DYNC1H1: variants seen among roughly 807,000 people sequenced by gnomAD.
The protein encoded by DYNC1H1 is cytoplasmic dynein 1 heavy chain 1.
In DYNC1H1, 51 loss-of-function variants were observed where a neutral mutation model predicts 527.1. That is an observed-to-expected ratio of 0.10 (90% CI 0.08 to 0.12). The LOEUF is 0.12. Among genes scored for constraint, DYNC1H1 ranks in the 10% least tolerant of loss-of-function variants. DYNC1H1 has a pLI of 1.00. For missense variants in DYNC1H1, 2,771 were observed against 5,971.8 expected, an observed-to-expected ratio of 0.46 and a Z score of 17.66; for synonymous variants, 2,189 against 2,278.8, an observed-to-expected ratio of 0.96 and a Z score of 1.12.
At chr14:101,977,242 A>G (rs1188214256) in intron 2 of DYNC1H1, among the ~76,000 whole-genome samples, 1 of 152,226 alleles carries the variant, frequency 6.6e-6, no homozygotes, top group African/African-American at 2.4e-5. Flanking sequence ...AGATTGTGCT[A>G]ATTTATCCTA....
chr14:102,013,717 T>A (rs868379326), intron 34 of DYNC1H1, among the ~76,000 whole-genome samples: 4 of 152,112 alleles, frequency 2.6e-5, no homozygotes, highest in Non-Finnish European at 4.4e-5. Context: ...GCCTGATGTA[T>A]GTCCATGAAG....
intron 1 of DYNC1H1, among the ~76,000 whole-genome samples, chr14:101,971,799 C>T (rs2047742092): frequency 1.3e-5 from 2 of 152,206 alleles, no homozygotes; most frequent in Non-Finnish European, 2.9e-5. Context: ...GTTTGAAATA[C>T]ATTAAACTAG....
chr14:101,987,893 C>T (rs1264796120), intron 9 of DYNC1H1, among the ~76,000 whole-genome samples: 1 of 152,114 alleles, frequency 6.6e-6, no homozygotes, highest in Non-Finnish European at 1.5e-5. Flanking sequence ...GCCTGGGCAA[C>T]ATGGCAAGAC....
In DYNC1H1 at chr14:102,050,627, A is replaced by T; in HGVS notation, c.*64A>T. On this transcript the variant is annotated 3_prime_UTR_variant, in exon 78 of 78. Transcript: ENST00000360184. ...GTATTTAACATTTATTCATTTTTAA[A>T]ATATTTGGAAGGTCTGAGCTTGTGA... 1 of 1,612,566 alleles carries T rather than the reference A, an allele frequency of 6.2e-7. No homozygotes were observed. Among genetic ancestry groups the T allele is most frequent in the Non-Finnish European group, 8.5e-7 (1 of 1,178,940 alleles).
At chr14:101,980,327 A>C (rs768063124) in intron 4 of DYNC1H1, 37 bp from the exon 5 acceptor site, 7 of 1,610,548 alleles carry the variant, frequency 4.3e-6, no homozygotes, top group Non-Finnish European at 5.1e-6. Flanking sequence ...CCTTGTTTAA[A>C]TAGTGAATAC....
At position 102,015,105 on chromosome 14, in the gene DYNC1H1, G is replaced by A. The variant is rs1469258300; in HGVS notation, c.7015G>A (p.Val2339Met). ...NGERLSLPPN[V>M]RIMFEVQDLK... The stretch of plus-strand genomic sequence containing the variant: ...AATCTGCTTAATGTTTTCTTTCAAG[G>A]TGAGAATAATGTTTGAGGTACAGGA... Residue 2339 changes from valine to methionine, a missense_variant and splice_region_variant, in exon 35 of 78, where the codon GTG (valine) becomes ATG (methionine). Coordinates refer to ENST00000360184, the MANE Select transcript of DYNC1H1 (RefSeq NM_001376.5). This position sits in a 1 kb window ranked among gnomAD's most constrained non-coding sequence, Gnocchi z 6.9. 1 of 1,614,194 alleles carries A rather than the reference G, an allele frequency of 6.2e-7. No individual in the cohort carries two copies. Among genetic ancestry groups the A allele is most frequent in the South Asian group, 1.1e-5 (1 of 91,088 alleles).
At chr14:101,972,667 T>A (rs2047752844) in intron 1 of DYNC1H1, among the ~76,000 whole-genome samples, 1 of 152,216 alleles carries the variant, frequency 6.6e-6, no homozygotes. Context: ...GTGTCCGGAC[T>A]GCGCAATTTC....
Position 102,005,209 on chromosome 14 carries a change from A to T in DYNC1H1, c.5406A>T (p.Pro1802=), listed in dbSNP as rs1208208697. 6.2e-7 allele frequency: 1 copy of T among 1,613,948 alleles called. No individual in the cohort carries two copies. The highest frequency in any genetic ancestry group is 2.2e-5 in the East Asian group (1 of 44,866). The change falls in exon 26 of 78, where the codon CCA becomes CCT. Residue 1802 remains proline, a synonymous_variant. Transcript: ENST00000360184. This position sits in a 1 kb window ranked among gnomAD's most constrained non-coding sequence, Gnocchi z 4.0. ...ACTCTGTCCTCATGGAGCAGCCCCC[A>T]CTCCGAAGGCGGAAGCTAGAACACT... ...LADSVLMEQP[P]LRRRKLEHLI...
Position 102,016,484 on chromosome 14 carries a change from T to G in DYNC1H1, c.7609T>G (p.Tyr2537Asp). ...TGCGCCCAACATACCCATTATCGATTATGAGGTGAGCATGCAGCTACCACC... is the reference window on the plus strand; with the variant it reads ...TGCGCCCAACATACCCATTATCGATGATGAGGTGAGCATGCAGCTACCACC... ...PTAPNIPIID[Y>D]EVSISGEWSP... Residue 2537 changes from tyrosine (Y) to aspartate (D), a missense_variant, in exon 37 of 78, where the codon TAT becomes GAT. Tyr to Asp is a radical substitution (Grantham distance 160, BLOSUM62 -3). Coordinates refer to ENST00000360184, the MANE Select transcript of DYNC1H1 (RefSeq NM_001376.5). The surrounding 1 kb of genome is among the most constrained non-coding windows in gnomAD (Gnocchi z 7.3). The G allele has an allele frequency of 1.9e-6, 3 of 1,614,120 alleles. No individual in the cohort carries two copies. Among genetic ancestry groups the G allele is most frequent in the Non-Finnish European group, 2.5e-6 (3 of 1,180,032 alleles).
rs1241592844 is a variant in DYNC1H1, at chr14:102,005,814, C to T, written c.5434-74C>T. On this transcript the variant is annotated intron_variant, in intron 26 of 77. Transcript: ENST00000360184. This position sits in a 1 kb window ranked among gnomAD's most constrained non-coding sequence, Gnocchi z 4.0. ...ACCTAGAACCTCAATTTCAGTTTAA[C>T]AGTCCACAAACCCGGAGAATGCACT... is the stretch of plus-strand genomic sequence containing the variant. 2 of 1,583,330 alleles carry T rather than the reference C, an allele frequency of 1.3e-6. No individual in the cohort carries two copies. Among genetic ancestry groups the T allele is most frequent in the Non-Finnish European group, 1.7e-6 (2 of 1,153,914 alleles).
At chr14:101,974,108 A>AT (rs1003452113) in intron 1 of DYNC1H1, among the ~76,000 whole-genome samples, 32 of 151,866 alleles carry the variant, frequency 2.1e-4, no homozygotes, top group African/African-American at 6.0e-4. Flanking sequence ...TTATTTATTT[A>AT]TTTTTTTTGA....
In DYNC1H1 at chr14:101,965,103, C is replaced by T. The variant is rs1394427782; in HGVS notation, c.256+156C>T. On this transcript the variant is annotated intron_variant, in intron 1 of 77. Coordinates refer to ENST00000360184, the MANE Select transcript of DYNC1H1 (RefSeq NM_001376.5). This position sits in a 1 kb window ranked among gnomAD's most constrained non-coding sequence, Gnocchi z 4.1. ...CAGAGCCCGGCGGCCGCAGACGTCC[C>T]GCCGGCCGGGTCCCCAGGGCCGCAG... Among the ~76,000 whole-genome samples the T allele has an allele frequency of 6.6e-6, 1 of 151,828 alleles. No individual in the cohort carries two copies. The highest frequency in any genetic ancestry group is 1.5e-5 in the Non-Finnish European group (1 of 67,928).
intron 10 of DYNC1H1, among the ~76,000 whole-genome samples, chr14:101,990,957 G>A (rs564963208): frequency 2.6e-5 from 4 of 151,284 alleles, no homozygotes; most frequent in South Asian, 2.1e-4. Flanking sequence ...TGCAGTGAGC[G>A]GAGATGGCAT....
Position 101,994,127 on chromosome 14 carries a change from C to CTTAGA in DYNC1H1, c.3016-53_3016-49dup, listed in dbSNP as rs538648956. ...CATTTTAATTAAGTAAAAGGTGACA[C>CTTAGA]TTAGATTACCATTTTCATATACACT... On this transcript the variant is annotated intron_variant, in intron 11 of 77. Coordinates refer to ENST00000360184, the MANE Select transcript of DYNC1H1 (RefSeq NM_001376.5). The CTTAGA allele has an allele frequency of 3.0e-5, 49 of 1,613,208 alleles. No homozygotes were observed. The African/African-American group carries it at 5.7e-4, about 19-fold the overall frequency.
chr14:102,016,867 G>A lies in DYNC1H1; in HGVS notation c.7716G>A (p.Leu2572=), dbSNP rs750517269. The change falls in exon 38 of 78, where the codon CTG becomes CTA. Residue 2572 remains leucine (L), a synonymous_variant. Coordinates refer to ENST00000360184, the MANE Select transcript of DYNC1H1 (RefSeq NM_001376.5). This position sits in a 1 kb window ranked among gnomAD's most constrained non-coding sequence, Gnocchi z 7.3. ...CCCCTGATGTCGTCGTGCCAACGCT[G>A]GACACAGTCCGCCACGAAGCCCTCT... ...VAAPDVVVPT[L]DTVRHEALLY... The A allele has an allele frequency of 1.2e-6, 2 of 1,614,058 alleles. No individual in the cohort carries two copies. Among genetic ancestry groups the A allele is most frequent in the Non-Finnish European group, 1.7e-6 (2 of 1,180,046 alleles).
At chr14:102,000,489 A>T in intron 18 of DYNC1H1, 90 bp downstream of exon 18, 1 of 1,166,822 alleles carries the variant, frequency 8.6e-7, no homozygotes, top group Non-Finnish European at 1.3e-6. Flanking sequence ...GTGTATTTGT[A>T]TTGTGAGTTC....
In DYNC1H1 at chr14:102,017,528, C is replaced by T. The variant is rs778613995; in HGVS notation, c.8177+24C>T. On this transcript the variant is annotated intron_variant, in intron 40 of 77. Coordinates refer to ENST00000360184, the MANE Select transcript of DYNC1H1 (RefSeq NM_001376.5). The surrounding 1 kb of genome is among the most constrained non-coding windows in gnomAD (Gnocchi z 4.6). Reference sequence around the variant, plus strand: ...AGGTAAAACAGCTCGGTAGACTGCTCTGCTTCACACACGCACAGCTCCAGG... The same window carrying T: ...AGGTAAAACAGCTCGGTAGACTGCTTTGCTTCACACACGCACAGCTCCAGG... The T allele has an allele frequency of 1.9e-6, 3 of 1,611,006 alleles. No homozygotes were observed. In the African/African-American group the frequency reaches 4.1e-5, roughly 22 times the overall value.
At position 102,011,940 on chromosome 14, in the gene DYNC1H1, T is replaced by C. The variant is rs922872303; in HGVS notation, c.6684T>C (p.Ser2228=). 1.2e-6 allele frequency: 2 copies of C among 1,613,606 alleles called. No homozygotes were observed. Among genetic ancestry groups the C allele is most frequent in the Non-Finnish European group, 1.7e-6 (2 of 1,179,936 alleles). The change falls in exon 33 of 78, where the codon AGT becomes AGC. Residue 2228 remains serine, a synonymous_variant. Coordinates refer to ENST00000360184, the MANE Select transcript of DYNC1H1 (RefSeq NM_001376.5). This position sits in a 1 kb window ranked among gnomAD's most constrained non-coding sequence, Gnocchi z 5.3. ...TGATGATGGTGGGGCCCTCGGGAAGTGGGAAGAGCATGGCCTGGCGTGTCC... is the reference window on the plus strand; with the variant it reads ...TGATGATGGTGGGGCCCTCGGGAAGCGGGAAGAGCATGGCCTGGCGTGTCC... ...HGLMMVGPSG[S]GKSMAWRVLL... is the part of the protein sequence containing the mutation.
rs1260313253 is a variant in DYNC1H1, at chr14:102,055,361, G to A, written c.*4798G>A. 2 of 152,044 alleles carry A rather than the reference G, an allele frequency of 1.3e-5. No homozygotes were observed. The highest frequency in any genetic ancestry group is 4.8e-5 in the African/African-American group (2 of 41,346). 9.4% of individuals were successfully genotyped at this position (152,044 alleles called of 1,614,324 possible). Reference sequence around the variant, plus strand: ...CTGTGTCTACAAAGGCCTCCTCTTTGAGGGAGACACGCGAGGCACGGGTGG... The same window carrying A: ...CTGTGTCTACAAAGGCCTCCTCTTTAAGGGAGACACGCGAGGCACGGGTGG... On this transcript the variant is annotated 3_prime_UTR_variant, in exon 78 of 78. Transcript: ENST00000360184.
Sources: allele counts gnomAD v4.1 joint callset (sites outside exome capture counted in the v4.1 genomes callset), GRCh38; gene constraint gnomAD v4.1.1; non-coding constraint Gnocchi (gnomAD v3.1); transcripts MANE v1.5; gene names NCBI Gene and HGNC (gene_info 2026-07-23, HGNC 2026-07-21).